The following PUS7 variants were observed in gnomAD, a reference collection of about 807,000 sequenced individuals.
PUS7 encodes the protein pseudouridine synthase 7.
A neutral mutation model predicts 79.8 loss-of-function variants in PUS7; 48 were observed. The ratio of observed to expected loss-of-function variants is 0.60; its 90% CI spans 0.48 to 0.76. The LOEUF (loss-of-function observed/expected upper bound fraction) is 0.76, where lower values mean the gene tolerates loss of function less well. PUS7 is among the 30% of genes least tolerant of loss of function. The pLI is 0.00. For synonymous variants in PUS7, 286 were observed against 272.2 expected, an observed-to-expected ratio of 1.05 and a Z score of -0.50; for missense variants, 729 against 797.6, an observed-to-expected ratio of 0.91 and a Z score of 1.04.
At chr7:105,501,043 T>C (rs1825225472) in intron 5 of PUS7, among the ~76,000 whole-genome samples, 1 of 152,204 alleles carries the variant, frequency 6.6e-6, no homozygotes. Context: ...AGGTATCTCA[T>C]CTCTATAGCA....
chr7:105,459,599 G>C (rs550588069), intron 14 of PUS7, among the ~76,000 whole-genome samples: 3 of 151,864 alleles, frequency 2.0e-5, no homozygotes, highest in African/African-American at 7.2e-5. Context: ...CACCATGCCT[G>C]GCTAATTTTT....
intron 7 of PUS7, among the ~76,000 whole-genome samples, chr7:105,486,556 A>G (rs757042891): frequency 2.0e-5 from 3 of 152,136 alleles, no homozygotes; most frequent in Non-Finnish European, 4.4e-5. Context: ...CAAGGAATCT[A>G]GAAGCGGAGG....
chr7:105,497,997 T>C (rs1035970445), intron 5 of PUS7, among the ~76,000 whole-genome samples: 1 of 152,188 alleles, frequency 6.6e-6, no homozygotes, highest in African/African-American at 2.4e-5. Context: ...CATAATTAAG[T>C]ATAATGACAA....
intron 5 of PUS7, among the ~76,000 whole-genome samples, chr7:105,495,903 T>C (rs1824993517): frequency 6.6e-6 from 1 of 152,146 alleles, no homozygotes; most frequent in Non-Finnish European, 1.5e-5. Context: ...CCATGCACTG[T>C]AATCCCAGCA....
intron 7 of PUS7, among the ~76,000 whole-genome samples, chr7:105,484,386 G>A (rs73190114): frequency 2.0e-5 from 3 of 152,108 alleles, no homozygotes; most frequent in Admixed American, 6.6e-5. Context: ...AGGCCTAGAT[G>A]GGCAGATAGC....
At chr7:105,478,525 T>A (rs957601766) in intron 9 of PUS7, among the ~76,000 whole-genome samples, 2 of 152,242 alleles carry the variant, frequency 1.3e-5, no homozygotes, top group Admixed American at 6.5e-5. Flanking sequence ...AGAAGTGGCA[T>A]CTCACTGTGG....
chr7:105,470,077 G>C (rs551935523), intron 11 of PUS7, among the ~76,000 whole-genome samples: 1 of 152,140 alleles, frequency 6.6e-6, no homozygotes, highest in African/African-American at 2.4e-5. Context: ...ATAATTCCAC[G>C]GTTAAAGAGA....
chr7:105,478,504 C>A (rs1824194820), intron 9 of PUS7, among the ~76,000 whole-genome samples: 1 of 152,150 alleles, frequency 6.6e-6, no homozygotes, highest in Admixed American at 6.5e-5. Context: ...TTTTAGCCAT[C>A]CTAGTGGGTA....
intron 1 of PUS7, among the ~76,000 whole-genome samples, chr7:105,516,511 T>A (rs1308917664): frequency 2.6e-5 from 4 of 151,994 alleles, no homozygotes; most frequent in African/African-American, 4.8e-5. Context: ...TGGCGTGATC[T>A]TGGCTGATCT....
At chr7:105,471,004 G>A (rs1268497993) in intron 10 of PUS7, among the ~76,000 whole-genome samples, 156 bp from the exon 11 acceptor site, 1 of 152,188 alleles carries the variant, frequency 6.6e-6, no homozygotes, top group Non-Finnish European at 1.5e-5. Context: ...GCAAAGATGG[G>A]AAATGTAGAA....
At chr7:105,505,934 A>G (rs1376971841) in intron 4 of PUS7, 21 bp downstream of exon 4, 1 of 1,566,014 alleles carries the variant, frequency 6.4e-7, no homozygotes, top group East Asian at 2.2e-5. Context: ...ATAATTTTTC[A>G]TATATTTTTG....
chr7:105,461,790 T>C (rs1217852696), intron 14 of PUS7, among the ~76,000 whole-genome samples: 2 of 152,226 alleles, frequency 1.3e-5, no homozygotes, highest in Non-Finnish European at 2.9e-5. Flanking sequence ...TATAGCCTAT[T>C]GCTCCTAGGC....
chr7:105,467,937 CTCT>C (rs1466123780), intron 12 of PUS7, among the ~76,000 whole-genome samples: 1 of 151,062 alleles, frequency 6.6e-6, no homozygotes, highest in Non-Finnish European at 1.5e-5. Flanking sequence ...TACTAGACAT[CTCT>C]TTTTTTTTTT....
At chr7:105,489,360 C>T (rs762954165) in intron 7 of PUS7, among the ~76,000 whole-genome samples, 13 of 151,924 alleles carry the variant, frequency 8.6e-5, no homozygotes, top group African/African-American at 2.9e-4. Context: ...CCCCTGTCCC[C>T]CTACCCCCAT....
At position 105,457,670 on chromosome 7, in the gene PUS7, AAAT is replaced by A; in HGVS notation, c.*117_*119del. 1 of 1,022,100 alleles carries A rather than the reference AAAT, an allele frequency of 9.8e-7. No individual in the cohort carries two copies. Among genetic ancestry groups the A allele is most frequent in the Non-Finnish European group, 1.4e-6 (1 of 730,926 alleles). The allele number at this position is 1,022,100 out of a possible 1,614,324, so 63.3% of individuals were successfully genotyped here. On this transcript the variant is annotated 3_prime_UTR_variant, in exon 16 of 16. Coordinates refer to ENST00000469408, the MANE Select transcript of PUS7 (RefSeq NM_019042.5). The stretch of plus-strand genomic sequence containing the variant: ...TAAGCTAATAAAAACTTAAAAATAC[AAAT>A]AATTTTTATTACAAAGATTTGAAAT...
intron 9 of PUS7, among the ~76,000 whole-genome samples, chr7:105,477,583 T>G (rs1824164819): frequency 6.6e-6 from 1 of 152,050 alleles, no homozygotes; most frequent in African/African-American, 2.4e-5. Context: ...TTTTGCTGAG[T>G]TATTCAATAA....
chr7:105,480,197 C>T (rs145178425), intron 9 of PUS7, among the ~76,000 whole-genome samples: 152 of 151,998 alleles, frequency 1.0e-3, no homozygotes, highest in Non-Finnish European at 1.1e-3. Flanking sequence ...TAGGGCTGGG[C>T]GTAGTGGCTC....
intron 1 of PUS7, among the ~76,000 whole-genome samples, chr7:105,519,262 T>G (rs551656944): frequency 6.9e-6 from 1 of 145,280 alleles, no homozygotes; most frequent in East Asian, 2.1e-4. Flanking sequence ...GAGATGGAGT[T>G]TTCCTCTGTT....
At chr7:105,521,821 G>C (rs905524639) in intron 1 of PUS7, among the ~76,000 whole-genome samples, 2 of 113,784 alleles carry the variant, frequency 1.8e-5, no homozygotes, top group African/African-American at 5.3e-5. Context: ...GGGGAGCGGG[G>C]AGCGGAGAGC....
Sources: allele counts gnomAD v4.1 joint callset (sites outside exome capture counted in the v4.1 genomes callset), GRCh38; gene constraint gnomAD v4.1.1; transcripts MANE v1.5; gene names NCBI Gene and HGNC (gene_info 2026-07-23, HGNC 2026-07-21).